The following PLEKHH2 variants were observed in gnomAD, a reference collection of about 807,000 sequenced individuals.
PLEKHH2 encodes the protein pleckstrin homology domain-containing family H member 2.
A neutral mutation model predicts 187.9 loss-of-function variants in PLEKHH2; 129 were observed. That is an observed-to-expected ratio of 0.69 (90% confidence interval 0.59 to 0.79). The LOEUF (loss-of-function observed/expected upper bound fraction) is 0.79. PLEKHH2 is among the 30% of genes least tolerant of loss of function. The pLI, the probability that PLEKHH2 is intolerant of heterozygous loss-of-function variation, is 0.00. For missense variants in PLEKHH2, 2,076 were observed against 1,751.2 expected (o/e 1.19, Z -3.31); for synonymous variants, 686 against 605.6 (o/e 1.13, Z -1.95).
intron 1 of PLEKHH2, among the ~76,000 whole-genome samples, chr2:43,641,368 C>G (rs1044989914): frequency 2.6e-5 from 4 of 152,150 alleles, no homozygotes; most frequent in Admixed American, 6.5e-5. Context: ...ATTTATACCT[C>G]TTTTCTTCTA....
chr2:43,711,862 C>T lies in PLEKHH2; in HGVS notation c.2302-363C>T, dbSNP rs111598754. The T allele has an allele frequency of 3.8e-3, 3,296 of 872,606 alleles. 94 individuals are homozygous for T. The African/African-American group carries it at 0.057, about 15-fold the overall frequency. 54.1% of individuals were successfully genotyped at this position (872,606 alleles called of 1,614,324 possible). A position where few individuals can be genotyped will look rare whatever the true frequency, so the allele number is the denominator to read the frequency against. On this transcript the variant is annotated intron_variant, in intron 14 of 29. Transcript: ENST00000282406. ...TGAGCCAAGATGGCGCCACTGCACT[C>T]CAGCCTGGGCGACAGAAAGAGACTC... is the stretch of plus-strand genomic sequence containing the variant.
intron 16 of PLEKHH2, among the ~76,000 whole-genome samples, chr2:43,721,781 G>C (rs766630415): frequency 3.9e-5 from 6 of 152,152 alleles, no homozygotes; most frequent in Non-Finnish European, 7.4e-5. Context: ...AACTACTAGG[G>C]AGATCAAGGT....
intron 2 of PLEKHH2, among the ~76,000 whole-genome samples, chr2:43,657,251 T>C (rs1666828655): frequency 6.6e-6 from 1 of 152,094 alleles, no homozygotes; most frequent in Non-Finnish European, 1.5e-5. Context: ...GATGTCTAGG[T>C]CTCCTGGCCT....
At position 43,757,222 on chromosome 2, in the gene PLEKHH2, A is replaced by C. The variant is rs980112715; in HGVS notation, c.3899A>C (p.Tyr1300Ser). The C allele has an allele frequency of 6.2e-7, 1 of 1,602,640 alleles. No homozygotes were observed. Among genetic ancestry groups the C allele is most frequent in the African/African-American group, 1.3e-5 (1 of 74,356 alleles). The stretch of plus-strand genomic sequence containing the variant: ...CTAAAGCAAGTCATAGAGAAATTTT[A>C]TCCTAAAAGGTATAGAGATGGCTGT... ...QTLKQVIEKF[Y>S]PKRYRDGCSE... Residue 1300 changes from tyrosine to serine, a missense_variant, in exon 26 of 30, where the codon TAT becomes TCT. By Grantham distance (144) the Tyr-to-Ser change is moderately radical. Transcript: ENST00000282406.
chr2:43,648,630 G>A (rs975905356), intron 2 of PLEKHH2, among the ~76,000 whole-genome samples: 3 of 150,792 alleles, frequency 2.0e-5, no homozygotes, highest in Non-Finnish European at 4.4e-5. Flanking sequence ...GCCCAGGCTG[G>A]AGTGCAGTTG....
chr2:43,751,836 C>G (rs927460519), intron 24 of PLEKHH2, among the ~76,000 whole-genome samples: 2 of 151,884 alleles, frequency 1.3e-5, no homozygotes, highest in Non-Finnish European at 2.9e-5. Flanking sequence ...CAAATTCTCC[C>G]CAAATCCCTG....
chr2:43,683,038 C>T (rs2104440167), intron 3 of PLEKHH2, among the ~76,000 whole-genome samples: 1 of 152,114 alleles, frequency 6.6e-6, no homozygotes, highest in East Asian at 1.9e-4. Context: ...CTCCTGTGCC[C>T]TACCTATTCT....
rs764195201 is a variant in PLEKHH2 at position 43,697,238 on chromosome 2, T to C, written c.570T>C (p.Ser190=). The part of the protein sequence containing the change: ...LKLSEGQRLS[S]LTFGCFLSRA... ...TTTCGGAAGGCCAGCGCCTGAGCAG[T>C]TTGACCTTTGGGTGCTTTTTATCTC... The change falls in exon 7 of 30, where the codon AGT becomes AGC. Residue 190 remains serine, a synonymous_variant. Coordinates refer to ENST00000282406, the MANE Select transcript of PLEKHH2 (RefSeq NM_172069.4). 6.2e-7 allele frequency: 1 copy of C among 1,613,976 alleles called. No homozygotes were observed. The highest frequency in any genetic ancestry group is 2.2e-5 in the East Asian group (1 of 44,874).
intron 15 of PLEKHH2, among the ~76,000 whole-genome samples, chr2:43,714,266 T>C (rs552600583): frequency 2.6e-5 from 4 of 152,370 alleles, no homozygotes; most frequent in African/African-American, 9.6e-5. Context: ...TCTGCTCCTA[T>C]AACATTTCTG....
At chr2:43,722,682 C>G (rs1670539542) in intron 16 of PLEKHH2, among the ~76,000 whole-genome samples, 1 of 152,196 alleles carries the variant, frequency 6.6e-6, no homozygotes, top group Admixed American at 6.5e-5. Context: ...AAATCTCAGT[C>G]TGACACATCT....
intron 2 of PLEKHH2, among the ~76,000 whole-genome samples, chr2:43,658,078 A>AT (rs889755658): frequency 6.6e-6 from 1 of 152,146 alleles, no homozygotes; most frequent in Non-Finnish European, 1.5e-5. Context: ...CTTCCTTTGT[A>AT]TTATTATCTT....
In PLEKHH2 at chr2:43,765,722, A is replaced by T; in HGVS notation, c.*124A>T. On this transcript the variant is annotated 3_prime_UTR_variant, in exon 30 of 30. Transcript: ENST00000282406. ...CCGGTATTCCAAACCTTAACAATGAAGGGGGTTAGTCTCTTTTATTTGATT... is the reference window on the plus strand; with the variant it reads ...CCGGTATTCCAAACCTTAACAATGATGGGGGTTAGTCTCTTTTATTTGATT... The T allele has an allele frequency of 1.2e-6, 1 of 838,790 alleles. No homozygotes were observed. The highest frequency in any genetic ancestry group is 1.8e-6 in the Non-Finnish European group (1 of 565,508). 52.0% of individuals were successfully genotyped at this position (838,790 alleles called of 1,614,324 possible). A position where few individuals can be genotyped will look rare whatever the true frequency, so the allele number is the denominator to read the frequency against.
chr2:43,746,276 G>T (rs1324862534), intron 24 of PLEKHH2, among the ~76,000 whole-genome samples: 1 of 152,144 alleles, frequency 6.6e-6, no homozygotes, highest in African/African-American at 2.4e-5. Context: ...GGCCAAGGTG[G>T]GCAGATCACC....
intron 8 of PLEKHH2, among the ~76,000 whole-genome samples, chr2:43,700,839 G>A (rs956835349): frequency 7.9e-5 from 12 of 152,042 alleles, no homozygotes; most frequent in Non-Finnish European, 1.2e-4. Flanking sequence ...TGGTAGAGAC[G>A]GGGTTTCGCC....
At chr2:43,749,366 G>A (rs1671915968) in intron 24 of PLEKHH2, among the ~76,000 whole-genome samples, 1 of 152,154 alleles carries the variant, frequency 6.6e-6, no homozygotes, top group Admixed American at 6.5e-5. Context: ...CAAACCAATA[G>A]ATTTCTTAAG....
chr2:43,738,791 C>T (rs1671422266), intron 20 of PLEKHH2, among the ~76,000 whole-genome samples: 1 of 151,946 alleles, frequency 6.6e-6, no homozygotes, highest in Non-Finnish European at 1.5e-5. Context: ...TAATCGTTTC[C>T]CCTATATCCT....
chr2:43,746,278 C>CA (rs1671775879), intron 24 of PLEKHH2, among the ~76,000 whole-genome samples: 1 of 152,164 alleles, frequency 6.6e-6, no homozygotes, highest in South Asian at 2.1e-4. Context: ...CCAAGGTGGG[C>CA]AGATCACCTG....
In PLEKHH2 at chr2:43,710,584, CTTTTTTTTTTTT is replaced by C. The variant is rs376851824; in HGVS notation, c.2301+22_2301+33del. 1.7e-5 allele frequency: 21 copies of C among 1,242,572 alleles called. No homozygotes were observed. Among genetic ancestry groups the C allele is most frequent in the South Asian group, 1.9e-5 (1 of 53,002 alleles). The allele number at this position is 1,242,572 out of a possible 1,614,324, so 77.0% of individuals were successfully genotyped here. A position where few individuals can be genotyped will look rare whatever the true frequency, so the allele number is the denominator to read the frequency against. On this transcript the variant is annotated intron_variant, in intron 14 of 29. Transcript: ENST00000282406. ...ACAAACAAACAGTTCAGGTACTTAACTTTTTTTTTTTTTTTTTTTTTTTTGTATCATGCCAGA... is the reference window on the plus strand; with the variant it reads ...ACAAACAAACAGTTCAGGTACTTAACTTTTTTTTTTTTGTATCATGCCAGA...
At chr2:43,681,027 T>C in intron 3 of PLEKHH2, 1 of 1,280,280 alleles carries the variant, frequency 7.8e-7, no homozygotes, top group Non-Finnish European at 1.1e-6. Context: ...TCCCTCAGAA[T>C]GCCAACTGGA....
Sources: allele counts gnomAD v4.1 joint callset (sites outside exome capture counted in the v4.1 genomes callset), GRCh38; gene constraint gnomAD v4.1.1; transcripts MANE v1.5; gene names NCBI Gene and HGNC (gene_info 2026-07-23, HGNC 2026-07-21).